Variants in SPOCK1 observed in about 807,000 individuals in gnomAD.
SPOCK1 encodes the protein SPARC (osteonectin), cwcv and kazal like domains proteoglycan 1, also known as testican-1.
Under a neutral mutation model 55.3 loss-of-function variants are expected in SPOCK1, and 23 were observed. The observed-to-expected ratio is 0.42, with a 90% CI of 0.30 to 0.59. The LOEUF (loss-of-function observed/expected upper bound fraction) is 0.59. Ranked by LOEUF, SPOCK1 falls within the 20% of genes least tolerant of loss-of-function variation. The pLI is 0.22. For missense variants in SPOCK1, 499 were observed against 552.5 expected (o/e 0.90, Z 0.97); for synonymous variants, 226 against 221.0 (o/e 1.02, Z -0.20).
chr5:137,021,027 C>T (rs992396682), intron 6 of SPOCK1, among the ~76,000 whole-genome samples: 11 of 152,040 alleles, frequency 7.2e-5, no homozygotes, highest in Non-Finnish European at 1.5e-4. Flanking sequence ...ATTTATTATT[C>T]CTCAATAATT....
intron 3 of SPOCK1, among the ~76,000 whole-genome samples, chr5:137,213,748 G>T (rs928379926): frequency 8.4e-4 from 128 of 152,250 alleles, no homozygotes; most frequent in African/African-American, 2.5e-3. Flanking sequence ...CCAATAGAAG[G>T]GTGCAGCACA....
intron 4 of SPOCK1, among the ~76,000 whole-genome samples, chr5:137,135,901 T>G (rs1039217665): frequency 2.6e-5 from 4 of 152,242 alleles, no homozygotes; most frequent in African/African-American, 9.6e-5. Flanking sequence ...TGTTGACATT[T>G]GGGTTGTTTC....
chr5:137,156,490 T>C (rs1373796435), intron 3 of SPOCK1, among the ~76,000 whole-genome samples: 1 of 152,136 alleles, frequency 6.6e-6, no homozygotes, highest in Non-Finnish European at 1.5e-5. Flanking sequence ...CTGAAGTAGT[T>C]TGACAACCAA....
chr5:137,377,669 C>G (rs1457678895), intron 2 of SPOCK1, among the ~76,000 whole-genome samples: 1 of 152,098 alleles, frequency 6.6e-6, no homozygotes, highest in Non-Finnish European at 1.5e-5. Context: ...ATTCAATAAG[C>G]TGACAGATAA....
rs202113912 is a variant in SPOCK1, at chr5:137,112,354, G to A, written c.474+81C>T. On this transcript the variant is annotated intron_variant, in intron 5 of 10. Coordinates refer to ENST00000394945, the MANE Select transcript of SPOCK1 (RefSeq NM_004598.4). ...GCCTGGAGCCCACCACGCTTCCCAA[G>A]CCCCAGTTTTGGCATAGAGAAGTGT... The A allele has an allele frequency of 2.8e-3, 4,242 of 1,542,096 alleles. 80 individuals carry two copies. In the South Asian group the frequency reaches 0.035, roughly 13 times the overall value.
chr5:137,318,827 T>C (rs141875891), intron 2 of SPOCK1, among the ~76,000 whole-genome samples: 4 of 152,326 alleles, frequency 2.6e-5, no homozygotes, highest in African/African-American at 9.6e-5. Context: ...ATAAAATTTT[T>C]CCTAATCCCA....
At chr5:137,239,154 T>C (rs1756237329) in intron 3 of SPOCK1, among the ~76,000 whole-genome samples, 1 of 152,168 alleles carries the variant, frequency 6.6e-6, no homozygotes, top group Non-Finnish European at 1.5e-5. Flanking sequence ...ATTGACCTAA[T>C]CACCAATGAC....
intron 2 of SPOCK1, among the ~76,000 whole-genome samples, chr5:137,380,876 C>T (rs1000446690): frequency 2.4e-4 from 37 of 152,160 alleles, no homozygotes; most frequent in African/African-American, 8.5e-4. Context: ...CCCTGCAATA[C>T]AACCCAAGCT....
At chr5:137,466,524 C>T (rs1753627373) in intron 2 of SPOCK1, among the ~76,000 whole-genome samples, 1 of 152,188 alleles carries the variant, frequency 6.6e-6, no homozygotes, top group Non-Finnish European at 1.5e-5. Flanking sequence ...CATAGTCTAC[C>T]TTCAGATTGA....
At chr5:137,262,113 T>A (rs749632777) in intron 3 of SPOCK1, among the ~76,000 whole-genome samples, 2 of 152,214 alleles carry the variant, frequency 1.3e-5, no homozygotes, top group Admixed American at 1.3e-4. Flanking sequence ...CTTGTTAGAA[T>A]TCACTTTGCT....
chr5:137,400,988 C>G, intron 2 of SPOCK1, among the ~76,000 whole-genome samples: 1 of 152,176 alleles, frequency 6.6e-6, no homozygotes, highest in South Asian at 2.1e-4. Flanking sequence ...CATGTGCTGC[C>G]TTTGCCAGAG....
intron 2 of SPOCK1, among the ~76,000 whole-genome samples, chr5:137,380,429 T>C (rs1751438560): frequency 6.6e-6 from 1 of 152,180 alleles, no homozygotes; most frequent in African/African-American, 2.4e-5. Flanking sequence ...GTCTCTTGCT[T>C]AGGAAGAGGA....
At chr5:137,008,197 G>T (rs1580705082) in intron 6 of SPOCK1, among the ~76,000 whole-genome samples, 1 of 151,822 alleles carries the variant, frequency 6.6e-6, no homozygotes, top group Non-Finnish European at 1.5e-5. Flanking sequence ...TAGACGACAG[G>T]TTGATGGGTG....
chr5:137,138,707 C>G (rs936868503), intron 4 of SPOCK1, among the ~76,000 whole-genome samples: 3 of 150,260 alleles, frequency 2.0e-5, no homozygotes, highest in South Asian at 2.1e-4. Flanking sequence ...AATAACCCCC[C>G]CCCCCCAAAA....
chr5:137,081,638 C>T (rs1382758664), intron 5 of SPOCK1, among the ~76,000 whole-genome samples: 2 of 152,196 alleles, frequency 1.3e-5, no homozygotes. Context: ...GAAACGAAAC[C>T]ACAGATAAAG....
At chr5:137,376,761 C>T (rs1751327446) in intron 2 of SPOCK1, among the ~76,000 whole-genome samples, 1 of 152,070 alleles carries the variant, frequency 6.6e-6, no homozygotes, top group Admixed American at 6.5e-5. Context: ...TATACTGACT[C>T]TCTGCAAGCT....
chr5:137,338,891 C>T (rs7707298), intron 2 of SPOCK1, among the ~76,000 whole-genome samples: 151,993 of 152,322 alleles, frequency 1, 75,833 homozygotes, highest in Middle Eastern at 1. Flanking sequence ...ATGAACTGTA[C>T]TGTTATTTCA....
intron 2 of SPOCK1, among the ~76,000 whole-genome samples, chr5:137,309,736 A>G (rs1757758640): frequency 6.6e-6 from 1 of 152,064 alleles, no homozygotes; most frequent in Non-Finnish European, 1.5e-5. Flanking sequence ...GCTGAGCTCT[A>G]AGTTAAGGCT....
chr5:137,066,987 C>CACACAGAGAGAGAGAGAGAGAG (rs1343691789), intron 6 of SPOCK1, among the ~76,000 whole-genome samples: 2 of 139,586 alleles, frequency 1.4e-5, no homozygotes, highest in African/African-American at 5.3e-5. Flanking sequence ...CACACACACA[C>CACACAGAGAGAGAGAGAGAGAG]AGAGAGAGAG....
Sources: gnomAD v4.1 joint callset for allele counts (sites outside exome capture counted in the v4.1 genomes callset) on GRCh38, gnomAD v4.1.1 for gene constraint, MANE v1.5 for transcripts, NCBI Gene and HGNC (gene_info 2026-07-23, HGNC 2026-07-21) for gene names.